Variants in DPP6 observed in about 807,000 individuals in gnomAD.
DPP6 encodes A-type potassium channel modulatory protein DPP6.
In DPP6, 69 loss-of-function variants were observed where a neutral mutation model predicts 122.6. That is an observed-to-expected ratio of 0.56 (90% CI 0.46 to 0.69). The LOEUF is 0.69. DPP6 is among the 30% of genes least tolerant of loss of function. The probability of loss-of-function intolerance (pLI) is 0.00; values close to 1 mark genes in which losing one functional copy is unlikely to be tolerated. For missense variants in DPP6, 928 were observed against 1,116.9 expected, an observed-to-expected ratio of 0.83 and a Z score of 2.41; for synonymous variants, 418 against 433.1, an observed-to-expected ratio of 0.97 and a Z score of 0.43.
intron 3 of DPP6, among the ~76,000 whole-genome samples, chr7:154,482,653 A>G (rs745840179): frequency 2.2e-4 from 33 of 152,244 alleles, no homozygotes; most frequent in Non-Finnish European, 1.0e-4. Context: ...TTCTCATGGC[A>G]GTAAGTATAC....
Position 154,805,094 on chromosome 7 carries a change from G to A in DPP6, c.1547+130G>A, listed in dbSNP as rs552314233. The A allele has an allele frequency of 2.0e-5, 25 of 1,276,300 alleles. No homozygotes were observed. In the East Asian group the frequency reaches 3.1e-4, roughly 16 times the overall value. 79.1% of individuals were successfully genotyped at this position (1,276,300 alleles called of 1,614,324 possible). A position where few individuals can be genotyped will look rare whatever the true frequency, so the allele number is the denominator to read the frequency against. On this transcript the variant is annotated intron_variant, in intron 15 of 25. Transcript: ENST00000377770. Reference sequence around the variant, plus strand: ...CAGACCCCACCACAGAGGAGTAGCTGTAGAGTCTGGAGAGAAGTAATGAAA... The same window carrying A: ...CAGACCCCACCACAGAGGAGTAGCTATAGAGTCTGGAGAGAAGTAATGAAA...
chr7:154,423,558 G>C (rs1045074681), intron 1 of DPP6, among the ~76,000 whole-genome samples: 6 of 152,160 alleles, frequency 3.9e-5, no homozygotes, highest in Admixed American at 6.5e-5. Context: ...CGAGCTTAAG[G>C]CCTAGTTAAA....
chr7:154,150,805 G>A (rs749381350), intron 1 of DPP6, among the ~76,000 whole-genome samples: 2 of 152,184 alleles, frequency 1.3e-5, no homozygotes, highest in Non-Finnish European at 2.9e-5. Context: ...CAAAGTATCA[G>A]GAGCCTGGTG....
At chr7:154,138,587 A>G (rs1795695575) in intron 1 of DPP6, among the ~76,000 whole-genome samples, 1 of 151,844 alleles carries the variant, frequency 6.6e-6, no homozygotes, top group Non-Finnish European at 1.5e-5. Flanking sequence ...GAGACTCAAT[A>G]TTTATTCTGT....
the DPP6 span, among the ~76,000 whole-genome samples, chr7:153,783,248 C>T: frequency 6.6e-6 from 1 of 152,178 alleles, no homozygotes; most frequent in South Asian, 2.1e-4. Context: ...GTTTAATTGA[C>T]TCACAGTTCC....
intron 1 of DPP6, among the ~76,000 whole-genome samples, chr7:154,155,121 C>G (rs541944227): frequency 6.8e-6 from 1 of 147,964 alleles, no homozygotes; most frequent in African/African-American, 2.7e-5. Flanking sequence ...TAGAAGGTTC[C>G]TCTTGAGAGA....
intron 8 of DPP6, among the ~76,000 whole-genome samples, chr7:154,743,472 A>G (rs1842904843): frequency 6.6e-6 from 1 of 152,186 alleles, no homozygotes; most frequent in Non-Finnish European, 1.5e-5. Context: ...GGGTGTTAGG[A>G]AAGAGAGAAA....
intron 4 of DPP6, among the ~76,000 whole-genome samples, chr7:154,548,324 G>T (rs543365004): frequency 5.1e-4 from 78 of 152,124 alleles, no homozygotes; most frequent in African/African-American, 1.8e-3. Context: ...CAGCACTTTG[G>T]GAGGCTGAGG....
chr7:153,795,107 T>G, the DPP6 span, among the ~76,000 whole-genome samples: 1 of 152,220 alleles, frequency 6.6e-6, no homozygotes, highest in African/African-American at 2.4e-5. Context: ...TAATATTCTC[T>G]TATTACCCTT....
At chr7:154,054,293 T>A (rs535775799) in intron 1 of DPP6, among the ~76,000 whole-genome samples, 1 of 152,326 alleles carries the variant, frequency 6.6e-6, no homozygotes, top group East Asian at 1.9e-4. Context: ...ATTTCTTTAG[T>A]GCAAGAGTTG....
At chr7:153,929,136 T>C (rs911119696) in intron 1 of DPP6, among the ~76,000 whole-genome samples, 1 of 152,044 alleles carries the variant, frequency 6.6e-6, no homozygotes, top group African/African-American at 2.4e-5. Flanking sequence ...GTCTGCTGTG[T>C]TGGGAAGAGA....
chr7:153,803,295 T>TG, the DPP6 span, among the ~76,000 whole-genome samples: 1 of 149,460 alleles, frequency 6.7e-6, no homozygotes, highest in Non-Finnish European at 1.5e-5. Flanking sequence ...AACATTATTT[T>TG]GGGGTGTGTG....
chr7:154,850,795 C>G (rs949285733), intron 16 of DPP6, among the ~76,000 whole-genome samples: 3 of 152,152 alleles, frequency 2.0e-5, no homozygotes, highest in Non-Finnish European at 4.4e-5. Flanking sequence ...GCTGTAACAT[C>G]TCTTTCATTT....
At chr7:154,534,000 A>C (rs1156985940) in intron 3 of DPP6, among the ~76,000 whole-genome samples, 1 of 151,854 alleles carries the variant, frequency 6.6e-6, no homozygotes, top group African/African-American at 2.4e-5. Flanking sequence ...CCTGTCTCAA[A>C]AAAAAAAAAT....
At chr7:154,569,108 ATT>A (rs1830951529) in intron 5 of DPP6, among the ~76,000 whole-genome samples, 2 of 151,992 alleles carry the variant, frequency 1.3e-5, no homozygotes, top group African/African-American at 4.8e-5. Flanking sequence ...TAATAAAAGG[ATT>A]ACATATGGGA....
chr7:154,761,966 T>C (rs1269650877), intron 8 of DPP6, among the ~76,000 whole-genome samples: 1 of 152,200 alleles, frequency 6.6e-6, no homozygotes, highest in Non-Finnish European at 1.5e-5. Flanking sequence ...GTCCTTGCGA[T>C]AGTTTGCTCA....
chr7:153,886,383 G>A (rs1157738314), upstream of DPP6, among the ~76,000 whole-genome samples: 2 of 152,166 alleles, frequency 1.3e-5, no homozygotes, highest in Admixed American at 6.5e-5. Context: ...TGGGGTGGAG[G>A]TTAGAGAAAT....
At chr7:153,916,412 T>C (rs1387501152) in intron 1 of DPP6, among the ~76,000 whole-genome samples, 57 of 83,070 alleles carry the variant, frequency 6.9e-4, no homozygotes, top group African/African-American at 2.5e-3. Flanking sequence ...CCCTCCTCTC[T>C]CCTCCCCTCC....
chr7:154,658,370 G>C (rs1252585353), intron 6 of DPP6, among the ~76,000 whole-genome samples: 1 of 152,178 alleles, frequency 6.6e-6, no homozygotes, highest in Non-Finnish European at 1.5e-5. Context: ...ATTAAAAATA[G>C]TAATAAATAA....
Sources: allele counts gnomAD v4.1 joint callset (sites outside exome capture counted in the v4.1 genomes callset), GRCh38; gene constraint gnomAD v4.1.1; transcripts MANE v1.5; gene names NCBI Gene and HGNC (gene_info 2026-07-23, HGNC 2026-07-21).